Variants in DCC observed in about 807,000 individuals in gnomAD.
DCC encodes DCC netrin 1 receptor.
In DCC, 58 loss-of-function variants were observed where a neutral mutation model predicts 172.5. The observed-to-expected ratio is 0.34, with a 90% confidence interval of 0.27 to 0.42. The LOEUF (loss-of-function observed/expected upper bound fraction) is 0.42, where lower values mean the gene tolerates loss of function less well. Among genes scored for constraint, DCC ranks in the 10% least tolerant of loss-of-function variants. DCC has a pLI of 1.00. For missense variants in DCC, 1,740 were observed against 1,791.0 expected, an observed-to-expected ratio of 0.97 and a Z score of 0.51; for synonymous variants, 709 against 644.5, an observed-to-expected ratio of 1.10 and a Z score of -1.52.
At chr18:53,006,727 CAT>C (rs1187111338) in intron 5 of DCC, among the ~76,000 whole-genome samples, 2 of 152,188 alleles carry the variant, frequency 1.3e-5, no homozygotes, top group East Asian at 3.9e-4. Context: ...GTCAAACTAT[CAT>C]GTAAGCACAG....
chr18:52,462,079 A>G (rs191526804), intron 1 of DCC, among the ~76,000 whole-genome samples: 1 of 152,186 alleles, frequency 6.6e-6, no homozygotes, highest in Non-Finnish European at 1.5e-5. Flanking sequence ...CTTTGGCCGC[A>G]CCTTCAATTT....
chr18:52,981,112 T>G (rs550269869), intron 5 of DCC, among the ~76,000 whole-genome samples: 3 of 152,138 alleles, frequency 2.0e-5, no homozygotes, highest in Admixed American at 6.5e-5. Flanking sequence ...TTTCAAACAT[T>G]CCTTGAAAAT....
intron 1 of DCC, among the ~76,000 whole-genome samples, chr18:52,645,627 T>C (rs768954966): frequency 6.6e-6 from 1 of 152,184 alleles, no homozygotes; most frequent in Non-Finnish European, 1.5e-5. Context: ...AGGTGCATTG[T>C]GGACATCATA....
intron 1 of DCC, among the ~76,000 whole-genome samples, chr18:52,501,992 G>C (rs896056457): frequency 1.3e-5 from 2 of 152,136 alleles, no homozygotes; most frequent in African/African-American, 2.4e-5. Context: ...CTTAAAACTT[G>C]TCTCAGATCC....
At chr18:53,489,839 T>G (rs1407592843) in intron 26 of DCC, among the ~76,000 whole-genome samples, 2 of 152,250 alleles carry the variant, frequency 1.3e-5, no homozygotes, top group Admixed American at 6.5e-5. Flanking sequence ...CAAATATTTC[T>G]TCTTCTTAAT....
rs1330162034 is a variant in DCC at position 52,541,897 on chromosome 18, G to GTATATATATATATATATA, written c.91+201020_91+201021insATATATATATATATATAT. Among the ~76,000 whole-genome samples, 25 of 43,460 alleles carry GTATATATATATATATATA rather than the reference G, an allele frequency of 5.8e-4. 1 individual carries two copies. The highest frequency in any genetic ancestry group is 2.1e-3 in the African/African-American group (25 of 11,962). 28.5% of individuals were successfully genotyped at this position (43,460 alleles called of 152,430 possible). ...TGTGTATATATATATATATATATAT[G>GTATATATATATATATATA]TGTATATATATATGTACACAATCCT... On this transcript the variant is annotated intron_variant, in intron 1 of 28. Coordinates refer to ENST00000442544, the MANE Select transcript of DCC (RefSeq NM_005215.4).
chr18:52,815,559 C>A (rs2038280728), intron 2 of DCC, among the ~76,000 whole-genome samples: 1 of 152,142 alleles, frequency 6.6e-6, no homozygotes, highest in Non-Finnish European at 1.5e-5. Context: ...TTTGCTGACA[C>A]CTTCAACTTG....
At chr18:53,404,817 T>C (rs912464586) in intron 19 of DCC, among the ~76,000 whole-genome samples, 2 of 151,900 alleles carry the variant, frequency 1.3e-5, no homozygotes, top group Non-Finnish European at 2.9e-5. Context: ...AAAATCACAG[T>C]GCATATAAAA....
At chr18:52,788,809 C>G (rs780370494) in intron 2 of DCC, among the ~76,000 whole-genome samples, 2 of 152,214 alleles carry the variant, frequency 1.3e-5, no homozygotes, top group Non-Finnish European at 2.9e-5. Context: ...ACAGACCCCC[C>G]AAAAATATTG....
intron 21 of DCC, among the ~76,000 whole-genome samples, chr18:53,433,231 C>T (rs868587733): frequency 6.6e-6 from 1 of 152,076 alleles, no homozygotes. Flanking sequence ...TTGAAATTCA[C>T]GATGTAATCA....
At chr18:53,233,859 A>T (rs918509298) in intron 12 of DCC, among the ~76,000 whole-genome samples, 1 of 152,118 alleles carries the variant, frequency 6.6e-6, no homozygotes, top group Non-Finnish European at 1.5e-5. Flanking sequence ...CAAGCCTGTA[A>T]TCCCAGCACT....
At chr18:52,762,583 G>T (rs1281567126) in intron 2 of DCC, among the ~76,000 whole-genome samples, 1 of 152,206 alleles carries the variant, frequency 6.6e-6, no homozygotes, top group African/African-American at 2.4e-5. Flanking sequence ...CAACACTTTG[G>T]GAGGCTGAAG....
intron 12 of DCC, among the ~76,000 whole-genome samples, chr18:53,252,173 A>G (rs577724893): frequency 1.3e-5 from 2 of 152,096 alleles, no homozygotes; most frequent in African/African-American, 4.8e-5. Flanking sequence ...TATACTCTGT[A>G]TTTGACCTTC....
intron 2 of DCC, among the ~76,000 whole-genome samples, chr18:52,863,049 C>A (rs1013186709): frequency 1.3e-5 from 2 of 151,978 alleles, no homozygotes; most frequent in Non-Finnish European, 2.9e-5. Flanking sequence ...CATTTTATAA[C>A]CTCTTACAAT....
intron 1 of DCC, among the ~76,000 whole-genome samples, chr18:52,393,872 A>T (rs1428148963): frequency 6.6e-6 from 1 of 152,082 alleles, no homozygotes; most frequent in Non-Finnish European, 1.5e-5. Flanking sequence ...ACTAGACTAG[A>T]TTATTTTTAA....
intron 1 of DCC, among the ~76,000 whole-genome samples, chr18:52,465,758 G>A (rs72924602): frequency 0.011 from 1,603 of 149,566 alleles, 24 homozygotes; most frequent in Non-Finnish European, 0.015. Flanking sequence ...AACTTCCCTC[G>A]TTTAGTTAAT....
At chr18:52,759,880 C>T (rs1451676973) in intron 2 of DCC, among the ~76,000 whole-genome samples, 1 of 152,094 alleles carries the variant, frequency 6.6e-6, no homozygotes, top group South Asian at 2.1e-4. Context: ...ACCCAAACCC[C>T]TAGGGAAAGC....
At chr18:52,795,307 A>T (rs2037852613) in intron 2 of DCC, among the ~76,000 whole-genome samples, 1 of 151,714 alleles carries the variant, frequency 6.6e-6, no homozygotes, top group Admixed American at 6.6e-5. Flanking sequence ...TTTATTATTC[A>T]TTATTAATTT....
intron 26 of DCC, among the ~76,000 whole-genome samples, chr18:53,497,383 C>T (rs2046037411): frequency 6.6e-6 from 1 of 152,146 alleles, no homozygotes; most frequent in South Asian, 2.1e-4. Flanking sequence ...CACAAGCATC[C>T]TCTGAGACCT....
Sources: gnomAD v4.1 joint callset for allele counts (sites outside exome capture counted in the v4.1 genomes callset) on GRCh38, gnomAD v4.1.1 for gene constraint, MANE v1.5 for transcripts, NCBI Gene and HGNC (gene_info 2026-07-23, HGNC 2026-07-21) for gene names.